The following OR4Q3 variants were observed in gnomAD, a reference collection of about 807,000 sequenced individuals.
The protein encoded by OR4Q3 is olfactory receptor family 4 subfamily Q member 3, also known as olfactory receptor 4Q3.
Under a neutral mutation model 18.8 loss-of-function variants are expected in OR4Q3, and 17 were observed. The observed-to-expected ratio is 0.91, with a 90% CI of 0.62 to 1.36. OR4Q3 has a LOEUF of 1.36. OR4Q3 is among the 40% of genes most tolerant of loss of function. OR4Q3 has a pLI of 0.00. For synonymous variants in OR4Q3, 158 were observed against 145.8 expected (o/e 1.08, Z -0.60); for missense variants, 378 against 373.4 (o/e 1.01, Z -0.10).
downstream of OR4Q3, among the ~76,000 whole-genome samples, chr14:19,751,330 C>T: frequency 6.6e-6 from 1 of 152,168 alleles, no homozygotes; most frequent in African/African-American, 2.4e-5. Flanking sequence ...GGATATTGGC[C>T]TGATGTTTTC....
At chr14:19,752,222 G>A, downstream of OR4Q3, among the ~76,000 whole-genome samples, 3 of 152,090 alleles carry the variant, frequency 2.0e-5, no homozygotes, top group African/African-American at 7.2e-5. Flanking sequence ...CTATCAAGAG[G>A]GGAAACAGAC....
chr14:19,750,951 G>T, downstream of OR4Q3, among the ~76,000 whole-genome samples: 1 of 152,232 alleles, frequency 6.6e-6, no homozygotes, highest in Admixed American at 6.5e-5. Flanking sequence ...GCAGGAAACT[G>T]CCCAAGAGTA....
chr14:19,748,234 T>C lies in OR4Q3; in HGVS notation c.831T>C (p.Asp277=). 12 of 1,614,014 alleles carry C rather than the reference T, an allele frequency of 7.4e-6. No individual in the cohort carries two copies. In the East Asian group the frequency reaches 2.2e-4, roughly 30 times the overall value. Reference sequence around the variant, plus strand: ...GGCCTTTCTGCAGCTTCTCTGTGGATAAGATATTCTCCTTGTTTTACACAG... The same window carrying C: ...GGCCTTTCTGCAGCTTCTCTGTGGACAAGATATTCTCCTTGTTTTACACAG... The change falls in exon 2 of 2, where the codon GAT becomes GAC. Residue 277 remains aspartate (D), a synonymous_variant. Coordinates refer to ENST00000642117, the Ensembl canonical transcript of OR4Q3.
exon 2 of OR4Q3, chr14:19,747,725 G>T: frequency 1.9e-6 from 3 of 1,613,908 alleles, no homozygotes; most frequent in Non-Finnish European, 2.5e-6. Flanking sequence ...AGGATGCCTG[G>T]CCCAGATCTA....
chr14:19,748,954 T>G, exon 2 of OR4Q3: 1 of 153,538 alleles, frequency 6.5e-6, no homozygotes, highest in African/African-American at 2.4e-5. Flanking sequence ...CATATGCTCT[T>G]AACAAAGTTT....
chr14:19,744,237 A>G (rs1239148444), intron 1 of OR4Q3, among the ~76,000 whole-genome samples: 1 of 152,186 alleles, frequency 6.6e-6, no homozygotes, highest in Non-Finnish European at 1.5e-5. Context: ...AAATGCATCA[A>G]ATGTGTCTAA....
intron 1 of OR4Q3, among the ~76,000 whole-genome samples, chr14:19,744,316 C>G (rs1877381403): frequency 6.6e-6 from 1 of 150,584 alleles, no homozygotes; most frequent in Non-Finnish European, 1.5e-5. Flanking sequence ...GTCAAATTTC[C>G]TCCTCTAATA....
chr14:19,747,726 C>T, exon 2 of OR4Q3: 3 of 1,613,948 alleles, frequency 1.9e-6, no homozygotes, highest in Non-Finnish European at 2.5e-6. Flanking sequence ...GGATGCCTGG[C>T]CCAGATCTAC....
chr14:19,746,900 G>A, intron 1 of OR4Q3, among the ~76,000 whole-genome samples: 18 of 150,692 alleles, frequency 1.2e-4, no homozygotes, highest in African/African-American at 4.1e-4. Flanking sequence ...CTCATCTTGA[G>A]AGATTTAGTT....
At chr14:19,744,483 T>A (rs12894520) in intron 1 of OR4Q3, among the ~76,000 whole-genome samples, 18,716 of 149,498 alleles carry the variant, frequency 0.13, 535 homozygotes, top group South Asian at 0.23. Context: ...TCCGGTTCCC[T>A]GTTTAGAAAG....
chr14:19,748,633 G>A, exon 2 of OR4Q3: 3 of 446,392 alleles, frequency 6.7e-6, no homozygotes, highest in South Asian at 8.1e-5. Flanking sequence ...TTAATTGAAA[G>A]ATCAACTTTT....
chr14:19,749,885 T>C, downstream of OR4Q3, among the ~76,000 whole-genome samples: 3 of 25,340 alleles, frequency 1.2e-4, no homozygotes, highest in Non-Finnish European at 5.3e-4. Context: ...TTTCTTTCTT[T>C]CTTTCTTTCT....
intron 1 of OR4Q3, among the ~76,000 whole-genome samples, chr14:19,745,212 G>C: frequency 6.6e-6 from 1 of 152,120 alleles, no homozygotes; most frequent in South Asian, 2.1e-4. Flanking sequence ...AATATTTATA[G>C]TACTGAAATT....
At chr14:19,747,550 A>T in exon 2 of OR4Q3, 41 of 1,613,536 alleles carry the variant, frequency 2.5e-5, no homozygotes, top group Middle Eastern at 1.7e-4. Context: ...TTGTCCTGGG[A>T]AACCTCTTGA....
At chr14:19,748,475 G>A in exon 2 of OR4Q3, 7 of 833,908 alleles carry the variant, frequency 8.4e-6, no homozygotes, top group South Asian at 1.8e-5. Flanking sequence ...GTATAAAAGA[G>A]GAGATAGCAT....
At chr14:19,750,998 G>T, downstream of OR4Q3, among the ~76,000 whole-genome samples, 1 of 152,230 alleles carries the variant, frequency 6.6e-6, no homozygotes, top group African/African-American at 2.4e-5. Context: ...TGGTGCTAGG[G>T]ATTACCAGGC....
chr14:19,747,340 A>G, intron 1 of OR4Q3, 66 bp from the exon 2 acceptor site: 2 of 816,150 alleles, frequency 2.5e-6, no homozygotes, highest in African/African-American at 1.8e-5. Context: ...TATATACTAT[A>G]TGTATATAGT....
intron 1 of OR4Q3, among the ~76,000 whole-genome samples, chr14:19,745,794 C>T: frequency 1.3e-5 from 2 of 152,186 alleles, no homozygotes; most frequent in African/African-American, 4.8e-5. Context: ...GTACATGTAA[C>T]AGCAAATCGT....
chr14:19,745,430 C>T, intron 1 of OR4Q3, among the ~76,000 whole-genome samples: 1 of 152,084 alleles, frequency 6.6e-6, no homozygotes, highest in South Asian at 2.1e-4. Context: ...TACCATACAC[C>T]TTTGGTATAC....
Sources: allele counts gnomAD v4.1 joint callset (sites outside exome capture counted in the v4.1 genomes callset), GRCh38; gene constraint gnomAD v4.1.1; transcripts MANE v1.5; gene names NCBI Gene and HGNC (gene_info 2026-07-23, HGNC 2026-07-21).